The following CIMAP2 variants were observed in gnomAD, a reference collection of about 807,000 sequenced individuals.
The protein encoded by CIMAP2 is ciliary microtubule-associated protein 2.
chr1:54,833,386 C>T, the CIMAP2 span, among the ~76,000 whole-genome samples: 2 of 152,186 alleles, frequency 1.3e-5, no homozygotes, highest in African/African-American at 2.4e-5. Context: ...AAACACAACA[C>T]GTTCTCAACC....
At chr1:54,807,965 G>A in the CIMAP2 span, 11 of 1,604,372 alleles carry the variant, frequency 6.9e-6, no homozygotes, top group Middle Eastern at 1.7e-4. Context: ...TGTAGCACCC[G>A]GGGGCTGCTC....
At chr1:54,807,811 A>C in the CIMAP2 span, 1 of 1,512,602 alleles carries the variant, frequency 6.6e-7, no homozygotes, top group African/African-American at 1.4e-5. Context: ...TTTAAGGAAC[A>C]CCATCGTGCC....
chr1:54,828,473 A>G, the CIMAP2 span, among the ~76,000 whole-genome samples: 1 of 152,108 alleles, frequency 6.6e-6, no homozygotes, highest in Non-Finnish European at 1.5e-5. Context: ...CTGGGACTAC[A>G]GGCATGTGCC....
chr1:54,811,994 G>T, the CIMAP2 span: 2 of 1,614,114 alleles, frequency 1.2e-6, no homozygotes, highest in Non-Finnish European at 1.7e-6. Context: ...TCCCAGGGCA[G>T]AGGGGGAAGC....
the CIMAP2 span, among the ~76,000 whole-genome samples, chr1:54,823,531 A>G: frequency 1.3e-5 from 2 of 152,192 alleles, no homozygotes; most frequent in African/African-American, 4.8e-5. Context: ...GCCAGTCTAT[A>G]TCTTTTAATT....
the CIMAP2 span, among the ~76,000 whole-genome samples, chr1:54,820,022 TTCC>T: frequency 1.1e-5 from 1 of 91,798 alleles, no homozygotes; most frequent in Non-Finnish European, 2.4e-5. Context: ...CCTTCTTTCC[TTCC>T]TTCCTTCCTT....
chr1:54,808,308 G>A, the CIMAP2 span, among the ~76,000 whole-genome samples: 2 of 152,232 alleles, frequency 1.3e-5, no homozygotes, highest in Admixed American at 1.3e-4. Flanking sequence ...GGCAGTGATG[G>A]TGGTGCAATT....
the CIMAP2 span, among the ~76,000 whole-genome samples, chr1:54,833,622 G>A: frequency 6.6e-6 from 1 of 152,202 alleles, no homozygotes; most frequent in African/African-American, 2.4e-5. Context: ...GTAGAGCTGT[G>A]TATACAGTAG....
At chr1:54,808,163 G>C in the CIMAP2 span, 1 of 744,164 alleles carries the variant, frequency 1.3e-6, no homozygotes, top group Non-Finnish European at 2.0e-6. Flanking sequence ...AGACCTTGGG[G>C]ATCTAGCAGT....
chr1:54,809,606 A>C, the CIMAP2 span, among the ~76,000 whole-genome samples: 2 of 152,148 alleles, frequency 1.3e-5, no homozygotes, highest in Non-Finnish European at 2.9e-5. Context: ...TGAAGCTACC[A>C]ACTGGCAGAA....
At chr1:54,812,604 G>A in the CIMAP2 span, among the ~76,000 whole-genome samples, 3 of 152,122 alleles carry the variant, frequency 2.0e-5, no homozygotes, top group East Asian at 1.9e-4. Flanking sequence ...TAGGGCCAGC[G>A]CTGTTAACAA....
the CIMAP2 span, among the ~76,000 whole-genome samples, chr1:54,830,726 G>A: frequency 4.3e-4 from 66 of 152,212 alleles, 1 homozygote; most frequent in Middle Eastern, 0.014. The surrounding 1 kb of genome is among the most constrained non-coding windows in gnomAD (Gnocchi z 4.1). Flanking sequence ...CCTGTTTTTG[G>A]TTTCATCTTC....
chr1:54,811,765 G>GCCGGGGGGGGGGGCCCCCC, the CIMAP2 span: 18 of 1,301,292 alleles, frequency 1.4e-5, no homozygotes, highest in African/African-American at 3.0e-5. Context: ...GGTTCTGACA[G>GCCGGGGGGGGGGGCCCCCC]CCTCCATGCC....
chr1:54,824,219 A>G, the CIMAP2 span, among the ~76,000 whole-genome samples: 6 of 151,892 alleles, frequency 4.0e-5, no homozygotes, highest in South Asian at 4.2e-4. Flanking sequence ...TTTTGTAGAG[A>G]TGGGGTCTGT....
At chr1:54,811,766 C>CCGGCGGGGGGGGG in the CIMAP2 span, 1 of 1,305,188 alleles carries the variant, frequency 7.7e-7, no homozygotes, top group Non-Finnish European at 1.1e-6. Flanking sequence ...GTTCTGACAG[C>CCGGCGGGGGGGGG]CTCCATGCCC....
At chr1:54,815,118 G>A in the CIMAP2 span, 46,664 of 1,570,460 alleles carry the variant, frequency 0.03, 858 homozygotes, top group Non-Finnish European at 0.035. Flanking sequence ...TTTGTCCCCA[G>A]GTAACCGATG....
At chr1:54,820,092 C>CTT in the CIMAP2 span, among the ~76,000 whole-genome samples, 10 of 97,802 alleles carry the variant, frequency 1.0e-4, no homozygotes, top group African/African-American at 5.1e-4. Flanking sequence ...TTCCCTCCTT[C>CTT]TTTCTTTCTT....
At chr1:54,833,905 A>G in the CIMAP2 span, among the ~76,000 whole-genome samples, 159 of 151,894 alleles carry the variant, frequency 1.0e-3, 1 homozygote, top group African/African-American at 3.7e-3. Flanking sequence ...CTGGGATGCA[A>G]TGGCTCATTG....
the CIMAP2 span, among the ~76,000 whole-genome samples, chr1:54,838,073 G>A: frequency 1.3e-5 from 2 of 152,138 alleles, no homozygotes; most frequent in Admixed American, 1.3e-4. Context: ...AGGGCTGCTT[G>A]GAAGAAGTGG....
Sources: gnomAD v4.1 joint callset for allele counts (sites outside exome capture counted in the v4.1 genomes callset) on GRCh38, gnomAD v4.1.1 for gene constraint, Gnocchi (gnomAD v3.1) non-coding constraint, MANE v1.5 for transcripts, NCBI Gene and HGNC (gene_info 2026-07-23, HGNC 2026-07-21) for gene names.